JHY: variants seen among roughly 807,000 people sequenced by gnomAD.
JHY encodes the protein junctional cadherin complex regulator.
JHY carries 69 observed loss-of-function variants against 78.0 expected under a neutral mutation model. The ratio of observed to expected loss-of-function variants is 0.88; its 90% confidence interval spans 0.73 to 1.08. The LOEUF (loss-of-function observed/expected upper bound fraction) is 1.08, where lower values mean the gene tolerates loss of function less well. Among genes scored for constraint, JHY ranks in the 50% least tolerant of loss-of-function variants. The pLI is 0.00. For missense variants in JHY, 944 were observed against 927.8 expected (o/e 1.02, Z -0.23); for synonymous variants, 368 against 342.6 (o/e 1.07, Z -0.82).
chr11:122,903,806 A>G (rs949749364), intron 2 of JHY, 119 bp from the exon 3 acceptor site: 1 of 1,356,028 alleles, frequency 7.4e-7, no homozygotes, highest in Admixed American at 2.3e-5. Flanking sequence ...GCATACAGAT[A>G]ATAAAAGGAA....
chr11:122,924,828 A>G, intron 3 of JHY, 69 bp from the exon 4 acceptor site: 1 of 1,255,098 alleles, frequency 8.0e-7, no homozygotes, highest in Non-Finnish European at 1.2e-6. Context: ...GAGTGCACAG[A>G]CTTGAGTCCC....
At chr11:122,916,461 A>G (rs1863236469) in intron 3 of JHY, among the ~76,000 whole-genome samples, 1 of 152,200 alleles carries the variant, frequency 6.6e-6, no homozygotes, top group South Asian at 2.1e-4. Flanking sequence ...CTTTTCTACC[A>G]GTGCAGATTC....
Position 122,883,037 on chromosome 11 carries a change from C to T in JHY, c.-90+65C>T, listed in dbSNP as rs1311022679. ...CGCCCGGGGAGGGAAACGGGAAGGG[C>T]TTACTGGGGATGGGGACGGCAGGAA... On this transcript the variant is annotated intron_variant, in intron 1 of 8. Transcript: ENST00000227349. This position sits in a 1 kb window ranked among gnomAD's most constrained non-coding sequence, Gnocchi z 4.4. 5.9e-5 allele frequency: 9 copies of T among 152,988 alleles called. No individual in the cohort carries two copies. The highest frequency in any genetic ancestry group is 2.2e-4 in the African/African-American group (9 of 41,404). 9.5% of individuals were successfully genotyped at this position (152,988 alleles called of 1,614,324 possible).
At chr11:122,895,098 G>A (rs1329876828) in intron 2 of JHY, among the ~76,000 whole-genome samples, 1 of 152,146 alleles carries the variant, frequency 6.6e-6, no homozygotes, top group Non-Finnish European at 1.5e-5. Flanking sequence ...GGTGAGCATA[G>A]AATTCAGAAA....
At chr11:122,884,611 G>A (rs1462519240) in intron 1 of JHY, among the ~76,000 whole-genome samples, 2 of 152,098 alleles carry the variant, frequency 1.3e-5, no homozygotes, top group Non-Finnish European at 2.9e-5. Flanking sequence ...AGACAGTGCA[G>A]GTTCACTTGA....
intron 6 of JHY, chr11:122,947,324 G>A (rs1403112725): frequency 6.6e-6 from 1 of 152,558 alleles, no homozygotes; most frequent in Non-Finnish European, 1.5e-5. Flanking sequence ...TACCTGGGCT[G>A]GCCAGTGATT....
intron 3 of JHY, among the ~76,000 whole-genome samples, chr11:122,912,115 C>T (rs1171928423): frequency 6.6e-6 from 1 of 151,370 alleles, no homozygotes; most frequent in Non-Finnish European, 1.5e-5. Context: ...GGTGAAACCC[C>T]GTCTATACTA....
chr11:122,951,911 T>C (rs533040104), intron 6 of JHY, among the ~76,000 whole-genome samples: 1 of 152,160 alleles, frequency 6.6e-6, no homozygotes, highest in Admixed American at 6.5e-5. Flanking sequence ...TCATCAGGGA[T>C]TGGTTGAGAG....
chr11:122,902,819 A>G (rs1325775220), intron 2 of JHY, among the ~76,000 whole-genome samples: 1 of 152,156 alleles, frequency 6.6e-6, no homozygotes, highest in Non-Finnish European at 1.5e-5. Flanking sequence ...CTCTGTCCCC[A>G]TGATCCAGTC....
Position 122,943,126 on chromosome 11 carries a change from C to G in JHY, c.1635-3372C>G, listed in dbSNP as rs552236056. On this transcript the variant is annotated intron_variant, in intron 5 of 8. Coordinates refer to ENST00000227349, the MANE Select transcript of JHY (RefSeq NM_024806.4). ...CTCGGCTCAAGCCATCTTCCTGCCT[C>G]AGCCCCTTGAGCTGCTGGGATTACA... Among the ~76,000 whole-genome samples the G allele has an allele frequency of 1.3e-5, 2 of 152,234 alleles. 1 individual carries two copies. Among genetic ancestry groups the G allele is most frequent in the African/African-American group, 4.8e-5 (2 of 41,468 alleles).
Position 122,935,812 on chromosome 11 carries a change from T to G in JHY, c.1634+737T>G, listed in dbSNP as rs1451326852. ...TAAAAATCCAACAATAGGGAATGTT[T>G]AGGTAAATTATGATATTTAGTATCA... is the stretch of plus-strand genomic sequence containing the variant. On this transcript the variant is annotated intron_variant, in intron 5 of 8. Coordinates refer to ENST00000227349, the MANE Select transcript of JHY (RefSeq NM_024806.4). The surrounding 1 kb of genome is among the most constrained non-coding windows in gnomAD (Gnocchi z 4.5). Among the ~76,000 whole-genome samples, 1 of 152,206 alleles carries G rather than the reference T, an allele frequency of 6.6e-6. No homozygotes were observed. The highest frequency in any genetic ancestry group is 1.5e-5 in the Non-Finnish European group (1 of 68,022).
At chr11:122,884,927 G>A (rs903379890) in intron 1 of JHY, among the ~76,000 whole-genome samples, 1 of 151,430 alleles carries the variant, frequency 6.6e-6, no homozygotes, top group Non-Finnish European at 1.5e-5. Flanking sequence ...AGTCTCCCGA[G>A]TAGCTGGGAC....
chr11:122,930,142 G>A (rs767496833), intron 4 of JHY, among the ~76,000 whole-genome samples: 1 of 152,138 alleles, frequency 6.6e-6, no homozygotes, highest in African/African-American at 2.4e-5. Flanking sequence ...GTACAGTATC[G>A]TGATTTTGGC....
intron 1 of JHY, among the ~76,000 whole-genome samples, chr11:122,884,746 T>TACCC (rs1862458568): frequency 2.6e-5 from 4 of 152,346 alleles, no homozygotes; most frequent in African/African-American, 9.6e-5. Flanking sequence ...CTCCAGGCTC[T>TACCC]GCTTTGGATC....
intron 8 of JHY, chr11:122,958,932 C>A: frequency 5.1e-6 from 5 of 985,170 alleles, no homozygotes; most frequent in Non-Finnish European, 6.0e-6. Context: ...ACTAAGACTT[C>A]CGGAAACTAA....
rs1864272194 is a variant in JHY at position 122,959,712 on chromosome 11, T to TTTTATATTGATCTTTTGA, written c.*271_*288dup. On this transcript the variant is annotated 3_prime_UTR_variant, in exon 9 of 9. Coordinates refer to ENST00000227349, the MANE Select transcript of JHY (RefSeq NM_024806.4). ...TAATAACTAGAGAATAAAGCTTTTGTTTTATATTGATCTTTTGATTTCTTC... is the reference window on the plus strand; with the variant it reads ...TAATAACTAGAGAATAAAGCTTTTGTTTTATATTGATCTTTTGATTTATATTGATCTTTTGATTTCTTC... 1 of 305,744 alleles carries TTTTATATTGATCTTTTGA rather than the reference T, an allele frequency of 3.3e-6. No homozygotes were observed. The highest frequency in any genetic ancestry group is 2.3e-5 in the African/African-American group (1 of 43,344). The allele number at this position is 305,744 out of a possible 1,614,324, so 18.9% of individuals were successfully genotyped here.
intron 6 of JHY, 176 bp downstream of exon 6, chr11:122,946,968 T>C: frequency 1.6e-6 from 1 of 645,014 alleles, no homozygotes; most frequent in South Asian, 2.5e-5. Flanking sequence ...GGGGTTTCCC[T>C]CCCCTTCTTA....
chr11:122,917,814 A>G lies in JHY; in HGVS notation c.865-7083A>G, dbSNP rs116456652. Among the ~76,000 whole-genome samples the G allele has an allele frequency of 9.4e-3, 1,433 of 152,324 alleles. 24 individuals carry two copies. Among genetic ancestry groups the G allele is most frequent in the African/African-American group, 0.032 (1,325 of 41,576 alleles). ...ATTGCTGGATAATCAGTCTTTCTGT[A>G]AGTTATATGAGATATTCCTAAAAAT... On this transcript the variant is annotated intron_variant, in intron 3 of 8. Transcript: ENST00000227349. The surrounding 1 kb of genome is among the most constrained non-coding windows in gnomAD (Gnocchi z 4.1).
chr11:122,918,776 G>C (rs1365035203), intron 3 of JHY, among the ~76,000 whole-genome samples: 1 of 151,248 alleles, frequency 6.6e-6, no homozygotes, highest in Non-Finnish European at 1.5e-5. Context: ...TAGATGCCAG[G>C]CACATTCAGA....
Sources: gnomAD v4.1 joint callset for allele counts (sites outside exome capture counted in the v4.1 genomes callset) on GRCh38, gnomAD v4.1.1 for gene constraint, Gnocchi (gnomAD v3.1) non-coding constraint, MANE v1.5 for transcripts, NCBI Gene and HGNC (gene_info 2026-07-23, HGNC 2026-07-21) for gene names.